Variants in EHF observed in about 807,000 individuals in gnomAD.
EHF encodes the protein ETS homologous factor.
Under a neutral mutation model 45.1 loss-of-function variants are expected in EHF, and 14 were observed. That is an observed-to-expected ratio of 0.31 (90% CI 0.21 to 0.49). The LOEUF (loss-of-function observed/expected upper bound fraction) is 0.49. Ranked by LOEUF, EHF falls within the 20% of genes least tolerant of loss-of-function variation. The pLI is 0.99. For missense variants in EHF, 282 were observed against 371.4 expected, an observed-to-expected ratio of 0.76 and a Z score of 1.98; for synonymous variants, 136 against 131.8, an observed-to-expected ratio of 1.03 and a Z score of -0.22.
At chr11:34,624,185 A>G in intron 1 of EHF, 1 of 539,126 alleles carries the variant, frequency 1.9e-6, no homozygotes, top group Non-Finnish European at 2.4e-6. Context: ...TTGACGTGAC[A>G]CTCATTTCTG....
At chr11:34,622,686 C>A (rs557775187) in intron 1 of EHF, among the ~76,000 whole-genome samples, 1 of 152,304 alleles carries the variant, frequency 6.6e-6, no homozygotes, top group East Asian at 1.9e-4. Flanking sequence ...GATGAAATAA[C>A]TCACCAATTC....
intron 2 of EHF, among the ~76,000 whole-genome samples, chr11:34,643,874 G>A (rs1220388053): frequency 6.6e-6 from 1 of 152,186 alleles, no homozygotes; most frequent in Non-Finnish European, 1.5e-5. Context: ...AGAAAGCTGG[G>A]GAAATGTGTT....
intron 1 of EHF, among the ~76,000 whole-genome samples, chr11:34,623,424 C>T (rs146404739): frequency 6.6e-6 from 1 of 152,176 alleles, no homozygotes; most frequent in African/African-American, 2.4e-5. Context: ...CTATCGTGAT[C>T]TCCCAGTGGA....
chr11:34,624,350 GA>G (rs1219884738), intron 1 of EHF: 1 of 984,068 alleles, frequency 1.0e-6, no homozygotes, highest in Admixed American at 6.2e-5. Context: ...ATTGCCATCT[GA>G]AGACAGAGGC....
chr11:34,636,500 A>G (rs1238590422), intron 1 of EHF, among the ~76,000 whole-genome samples: 3 of 152,224 alleles, frequency 2.0e-5, no homozygotes, highest in African/African-American at 7.2e-5. Context: ...AAGCATAGAC[A>G]TTGACTAGAC....
At chr11:34,633,605 G>C (rs114672598) in intron 1 of EHF, among the ~76,000 whole-genome samples, 2,375 of 152,248 alleles carry the variant, frequency 0.016, 71 homozygotes, top group African/African-American at 0.054. Flanking sequence ...ATAATACAGT[G>C]ATAGGTTGTC....
rs1021788718 is a variant in EHF, at chr11:34,659,970, G to A, written c.*1039G>A. 2 of 152,126 alleles carry A rather than the reference G, an allele frequency of 1.3e-5. No homozygotes were observed. The highest frequency in any genetic ancestry group is 4.8e-5 in the African/African-American group (2 of 41,442). 9.4% of individuals were successfully genotyped at this position (152,126 alleles called of 1,614,324 possible). ...CTCTAGACATCACCAAATGTTCCCT[G>A]GGGGTGGCAAATTTGCCCTTGATTG... On this transcript the variant is annotated 3_prime_UTR_variant, in exon 9 of 9. Coordinates refer to ENST00000257831, the MANE Select transcript of EHF (RefSeq NM_012153.6).
chr11:34,623,603 A>G (rs1480226038), intron 1 of EHF, among the ~76,000 whole-genome samples: 1 of 152,184 alleles, frequency 6.6e-6, no homozygotes, highest in African/African-American at 2.4e-5. Context: ...CTGAGAGGTT[A>G]AAAGGTTTAC....
chr11:34,657,293 G>C lies in EHF; in HGVS notation c.607+323G>C, dbSNP rs76463610. 4.8e-4 allele frequency among the ~76,000 whole-genome samples: 73 copies of C among 152,196 alleles called. No homozygotes were observed. The East Asian group carries it at 0.013, about 27-fold the overall frequency. On this transcript the variant is annotated intron_variant, in intron 7 of 8. Transcript: ENST00000257831. ...CTCCCAGAAGAAAAGGGTGGGAAGA[G>C]GAGCGAGATAAGAAGAAACAGCTGA...
intron 1 of EHF, among the ~76,000 whole-genome samples, chr11:34,624,842 G>A (rs867881807): frequency 1.1e-4 from 16 of 152,292 alleles, no homozygotes; most frequent in Admixed American, 7.8e-4. Flanking sequence ...CAGGGAAGGC[G>A]GGATGTGAGG....
At position 34,621,138 on chromosome 11, in the gene EHF, C is replaced by A. The variant is rs1851972740; in HGVS notation, c.-94C>A. On this transcript the variant is annotated 5_prime_UTR_variant, in exon 1 of 9. Coordinates refer to ENST00000257831, the MANE Select transcript of EHF (RefSeq NM_012153.6). Reference sequence around the variant, plus strand: ...TTGATAACACCCGTGGTGCCCCATCCCTATAGGAGCTGGTGAGATTGCAGC... The same window carrying A: ...TTGATAACACCCGTGGTGCCCCATCACTATAGGAGCTGGTGAGATTGCAGC... 1.3e-5 allele frequency: 2 copies of A among 152,280 alleles called. No individual in the cohort carries two copies. The highest frequency in any genetic ancestry group is 2.1e-4 in the South Asian group (1 of 4,818). 9.4% of individuals were successfully genotyped at this position (152,280 alleles called of 1,614,324 possible).
rs549658997 is a variant in EHF at position 34,658,514 on chromosome 11, C to G, written c.608-19C>G. The G allele has an allele frequency of 9.3e-6, 15 of 1,604,942 alleles. No homozygotes were observed. In the South Asian group the frequency reaches 1.7e-4, roughly 18 times the overall value. ...TGTGACTTAGATCATTAGTAACCTG[C>G]CTTTCTGCTTTTCATCAGACCCGAG... On this transcript the variant is annotated intron_variant, in intron 7 of 8. Coordinates refer to ENST00000257831, the MANE Select transcript of EHF (RefSeq NM_012153.6).
rs928314591 is a variant in EHF, at chr11:34,659,135, G to A, written c.*204G>A. The stretch of plus-strand genomic sequence containing the variant: ...TTACTTCGAAGTATGTCCTATATGG[G>A]GAAAAAACGTACACAGTTTTCTGTG... On this transcript the variant is annotated 3_prime_UTR_variant, in exon 9 of 9. Transcript: ENST00000257831. The A allele has an allele frequency of 6.6e-6, 3 of 457,254 alleles. No homozygotes were observed. The highest frequency in any genetic ancestry group is 4.0e-5 in the African/African-American group (2 of 49,550). The allele number at this position is 457,254 out of a possible 1,614,324, so 28.3% of individuals were successfully genotyped here. A position where few individuals can be genotyped will look rare whatever the true frequency, so the allele number is the denominator to read the frequency against.
At chr11:34,642,517 G>A in intron 1 of EHF, 111 bp from the exon 2 acceptor site, 2 of 700,686 alleles carry the variant, frequency 2.9e-6, no homozygotes, top group Non-Finnish European at 2.5e-6. Flanking sequence ...GGCAATGGGT[G>A]GAAGGACAAA....
chr11:34,655,570 A>G (rs1361061958), intron 6 of EHF, among the ~76,000 whole-genome samples: 1 of 152,050 alleles, frequency 6.6e-6, no homozygotes. Context: ...CAGCTGTGTG[A>G]CTCTAGTCAA....
At chr11:34,623,002 A>C (rs912453602) in intron 1 of EHF, among the ~76,000 whole-genome samples, 1 of 152,212 alleles carries the variant, frequency 6.6e-6, no homozygotes, top group Non-Finnish European at 1.5e-5. Context: ...TGTTTGATTC[A>C]GGCCTCGTTT....
chr11:34,651,699 G>T, intron 5 of EHF, 38 bp from the exon 6 acceptor site: 1 of 1,612,174 alleles, frequency 6.2e-7, no homozygotes. Flanking sequence ...TGGGGGGAGG[G>T]GGTGCTCTAA....
intron 7 of EHF, 61 bp from the exon 8 acceptor site, chr11:34,658,471 TC>T: frequency 1.4e-6 from 2 of 1,442,278 alleles, no homozygotes; most frequent in Non-Finnish European, 1.9e-6. Context: ...AACTCAATGC[TC>T]TCTGCCCTAT....
At chr11:34,636,547 C>T (rs1275992359) in intron 1 of EHF, among the ~76,000 whole-genome samples, 1 of 152,224 alleles carries the variant, frequency 6.6e-6, no homozygotes, top group Non-Finnish European at 1.5e-5. Context: ...GGGGACTTTA[C>T]AAATAATCTC....
Sources: gnomAD v4.1 joint callset for allele counts (sites outside exome capture counted in the v4.1 genomes callset) on GRCh38, gnomAD v4.1.1 for gene constraint, MANE v1.5 for transcripts, NCBI Gene and HGNC (gene_info 2026-07-23, HGNC 2026-07-21) for gene names.